PRKN: variants seen among roughly 807,000 people sequenced by gnomAD.
PRKN encodes E3 ubiquitin-protein ligase parkin.
In PRKN, 56 loss-of-function variants were observed where a neutral mutation model predicts 59.5. The observed-to-expected ratio is 0.94, with a 90% CI of 0.76 to 1.18. The LOEUF (loss-of-function observed/expected upper bound fraction) is 1.18. PRKN is among the 50% of genes most tolerant of loss of function. PRKN has a pLI of 0.00. For missense variants in PRKN, 657 were observed against 596.4 expected, an observed-to-expected ratio of 1.10 and a Z score of -1.06; for synonymous variants, 250 against 222.1, an observed-to-expected ratio of 1.13 and a Z score of -1.12.
intron 2 of PRKN, among the ~76,000 whole-genome samples, chr6:162,373,649 C>A (rs965133016): frequency 1.3e-5 from 2 of 152,070 alleles, no homozygotes; most frequent in African/African-American, 2.4e-5. Flanking sequence ...ATTCTTAATA[C>A]CCTTATATAG....
intron 5 of PRKN, among the ~76,000 whole-genome samples, chr6:161,996,854 A>G (rs562653117): frequency 1.3e-5 from 2 of 150,870 alleles, no homozygotes; most frequent in Non-Finnish European, 2.9e-5. Context: ...TTTTTTTTTT[A>G]AATTAACATG....
At chr6:161,743,213 CTTTTTTTTTTTT>C (rs768890758) in intron 7 of PRKN, among the ~76,000 whole-genome samples, 3 of 84,552 alleles carry the variant, frequency 3.5e-5, no homozygotes, top group Admixed American at 1.5e-4. Context: ...TGGTTTCTAC[CTTTTTTTTTTTT>C]TTTTTTTTTT....
intron 1 of PRKN, among the ~76,000 whole-genome samples, chr6:162,510,220 T>G (rs1017310272): frequency 3.3e-5 from 5 of 152,200 alleles, no homozygotes; most frequent in Admixed American, 6.5e-5. Context: ...ACCAGAGTGG[T>G]CCAAAGCAGT....
chr6:161,969,071 A>G (rs1000919962), intron 6 of PRKN, among the ~76,000 whole-genome samples: 2 of 152,192 alleles, frequency 1.3e-5, no homozygotes, highest in Non-Finnish European at 2.9e-5. Context: ...AAAGAGAGGC[A>G]GGAGGGAGCC....
intron 7 of PRKN, among the ~76,000 whole-genome samples, chr6:161,658,760 G>C (rs1467503661): frequency 1.3e-5 from 2 of 152,304 alleles, no homozygotes; most frequent in Admixed American, 6.5e-5. Flanking sequence ...GATACTCACA[G>C]CATACTGTTT....
chr6:161,958,068 C>T (rs1245338064), intron 6 of PRKN, among the ~76,000 whole-genome samples: 1 of 152,144 alleles, frequency 6.6e-6, no homozygotes, highest in Non-Finnish European at 1.5e-5. Context: ...TAGTTGACAA[C>T]AAAATGCAAT....
intron 6 of PRKN, among the ~76,000 whole-genome samples, chr6:161,853,824 C>G (rs1047028413): frequency 8.5e-5 from 13 of 152,160 alleles, no homozygotes; most frequent in African/African-American, 1.2e-4. Flanking sequence ...ATCCCCAGCT[C>G]TAAGAATTTC....
rs953048573 is a variant in PRKN at position 161,584,696 on chromosome 6, T to C, written c.872-15280A>G. 6.6e-6 allele frequency among the ~76,000 whole-genome samples: 1 copy of C among 152,196 alleles called. No homozygotes were observed. The highest frequency in any genetic ancestry group is 1.5e-5 in the Non-Finnish European group (1 of 68,034). On this transcript the variant is annotated intron_variant, in intron 7 of 11. Coordinates refer to ENST00000366898, the MANE Select transcript of PRKN (RefSeq NM_004562.3). The surrounding 1 kb of genome is among the most constrained non-coding windows in gnomAD (Gnocchi z 4.8). ...TGAAGCTGGATACAAAACTCCATTA[T>C]ACAACAGGGGGATCCTACATCCAGC...
chr6:162,097,200 G>C (rs183497895), intron 4 of PRKN, among the ~76,000 whole-genome samples: 1 of 152,148 alleles, frequency 6.6e-6, no homozygotes, highest in Non-Finnish European at 1.5e-5. Flanking sequence ...AACATGAAAA[G>C]AGCACGTATA....
chr6:162,500,318 C>T (rs1370126019), intron 1 of PRKN, among the ~76,000 whole-genome samples: 1 of 151,982 alleles, frequency 6.6e-6, no homozygotes, highest in Non-Finnish European at 1.5e-5. Context: ...ATCACAGGCG[C>T]CCGCCACCAC....
At chr6:162,646,154 G>A (rs1407626216) in intron 1 of PRKN, among the ~76,000 whole-genome samples, 10 of 152,004 alleles carry the variant, frequency 6.6e-5, no homozygotes, top group Admixed American at 6.6e-4. Flanking sequence ...TTACAGGTGT[G>A]AGCCACCACA....
chr6:162,622,957 G>A (rs1429044998), intron 1 of PRKN, among the ~76,000 whole-genome samples: 2 of 152,110 alleles, frequency 1.3e-5, no homozygotes, highest in Non-Finnish European at 2.9e-5. Context: ...CTCAATGTAG[G>A]ATTTCACTTC....
chr6:161,553,158 T>C (rs1348929179), intron 8 of PRKN, among the ~76,000 whole-genome samples: 2 of 151,108 alleles, frequency 1.3e-5, no homozygotes, highest in African/African-American at 2.4e-5. Context: ...TCACCCTCCA[T>C]TGTCTTTTTT....
chr6:161,569,270 C>G, intron 8 of PRKN, 85 bp downstream of exon 8: 2 of 1,202,672 alleles, frequency 1.7e-6, no homozygotes, highest in Non-Finnish European at 2.5e-6. Flanking sequence ...AGGAGACATA[C>G]TCGGCCTCCC....
chr6:161,922,935 A>ATTTGCAGTTTAAACAAATCAT (rs1223592850), intron 6 of PRKN, among the ~76,000 whole-genome samples: 1 of 152,254 alleles, frequency 6.6e-6, no homozygotes, highest in Admixed American at 6.5e-5. Flanking sequence ...CATATTTCAC[A>ATTTGCAGTTTAAACAAATCAT]ATTGCAGTTT....
intron 1 of PRKN, among the ~76,000 whole-genome samples, chr6:162,575,886 T>C (rs1323890528): frequency 2.0e-5 from 3 of 152,182 alleles, no homozygotes; most frequent in Non-Finnish European, 2.9e-5. Context: ...GGATCTCTTG[T>C]ACACTCTTGC....
chr6:162,039,957 A>G (rs2128281614), intron 5 of PRKN, among the ~76,000 whole-genome samples: 1 of 152,368 alleles, frequency 6.6e-6, no homozygotes, highest in South Asian at 2.1e-4. Context: ...GTTCTTAAAA[A>G]TTAATTTTAC....
In PRKN at chr6:161,593,207, C is replaced by T. The variant is rs1352334128; in HGVS notation, c.872-23791G>A. Among the ~76,000 whole-genome samples the T allele has an allele frequency of 3.9e-5, 6 of 152,156 alleles. No individual in the cohort carries two copies. In the South Asian group the frequency reaches 6.2e-4, roughly 16 times the overall value. Reference sequence around the variant, plus strand: ...GACAATCATTATGAACTAATAACATCGCATGTCAACTGCATCCCAGGAGCT... The same window carrying T: ...GACAATCATTATGAACTAATAACATTGCATGTCAACTGCATCCCAGGAGCT... On this transcript the variant is annotated intron_variant, in intron 7 of 11. Transcript: ENST00000366898. This position sits in a 1 kb window ranked among gnomAD's most constrained non-coding sequence, Gnocchi z 4.8.
At position 161,756,871 on chromosome 6, in the gene PRKN, C is replaced by T. The variant is rs151026470; in HGVS notation, c.871+28901G>A. On this transcript the variant is annotated intron_variant, in intron 7 of 11. Coordinates refer to ENST00000366898, the MANE Select transcript of PRKN (RefSeq NM_004562.3). Reference sequence around the variant, plus strand: ...TAAATCTACAGAAATCAAGACAGTACGCTATTGGCATACAGATACCCAGAT... The same window carrying T: ...TAAATCTACAGAAATCAAGACAGTATGCTATTGGCATACAGATACCCAGAT... Among the ~76,000 whole-genome samples the T allele has an allele frequency of 3.9e-5, 6 of 152,186 alleles. No individual in the cohort carries two copies. The South Asian group carries it at 8.3e-4, about 21-fold the overall frequency.
Sources: gnomAD v4.1 joint callset for allele counts (sites outside exome capture counted in the v4.1 genomes callset) on GRCh38, gnomAD v4.1.1 for gene constraint, Gnocchi (gnomAD v3.1) non-coding constraint, MANE v1.5 for transcripts, NCBI Gene and HGNC (gene_info 2026-07-23, HGNC 2026-07-21) for gene names.